The following NELL1 variants were observed in gnomAD, a reference collection of about 807,000 sequenced individuals.
NELL1 encodes protein kinase C-binding protein NELL1.
In NELL1, 76 loss-of-function variants were observed where a neutral mutation model predicts 107.4. The observed-to-expected ratio is 0.71, with a 90% CI of 0.59 to 0.86. The LOEUF is 0.86. Among genes scored for constraint, NELL1 ranks in the 40% least tolerant of loss-of-function variants. The pLI, the probability that NELL1 is intolerant of heterozygous loss-of-function variation, is 0.00. For missense variants in NELL1, 1,024 were observed against 1,005.5 expected (o/e 1.02, Z -0.25); for synonymous variants, 353 against 341.2 (o/e 1.03, Z -0.38).
At chr11:21,369,038 G>T (rs138280879) in intron 14 of NELL1, among the ~76,000 whole-genome samples, 1 of 151,840 alleles carries the variant, frequency 6.6e-6, no homozygotes, top group Non-Finnish European at 1.5e-5. Flanking sequence ...TAAATCAAAC[G>T]CATATACCTA....
chr11:20,973,443 A>G (rs1188313227), intron 12 of NELL1, among the ~76,000 whole-genome samples: 1 of 152,156 alleles, frequency 6.6e-6, no homozygotes, highest in Non-Finnish European at 1.5e-5. Flanking sequence ...TTTTTAGGTT[A>G]AGAGCTATTC....
At position 20,755,559 on chromosome 11, in the gene NELL1, T is replaced by TATTTTTTTTTTTTTTTTTA. The variant is rs1554914196; in HGVS notation, c.185-28121_185-28120insATTTTTTTTTTTTTTTTTA. Among the ~76,000 whole-genome samples the TATTTTTTTTTTTTTTTTTA allele has an allele frequency of 8.6e-3, 152 of 17,670 alleles. 1 individual carries two copies. Among genetic ancestry groups the TATTTTTTTTTTTTTTTTTA allele is most frequent in the African/African-American group, 0.015 (147 of 9,522 alleles). 11.6% of individuals were successfully genotyped at this position (17,670 alleles called of 152,430 possible). On this transcript the variant is annotated intron_variant, in intron 2 of 19. Coordinates refer to ENST00000357134, the MANE Select transcript of NELL1 (RefSeq NM_006157.5). Reference sequence around the variant, plus strand: ...GTTTTTGTTTTTTTTTGTTTTTGTTTTTGTTTTTTTTTTTTTGAGACAGAA... The same window carrying TATTTTTTTTTTTTTTTTTA: ...GTTTTTGTTTTTTTTTGTTTTTGTTTATTTTTTTTTTTTTTTTTATTGTTTTTTTTTTTTTGAGACAGAA...
chr11:21,482,079 A>G (rs947788516), intron 15 of NELL1, among the ~76,000 whole-genome samples: 3 of 152,214 alleles, frequency 2.0e-5, no homozygotes, highest in Non-Finnish European at 4.4e-5. Flanking sequence ...GATAAATTTA[A>G]GCAAAAAGGA....
At chr11:21,290,489 TCTG>T (rs1416532419) in intron 14 of NELL1, among the ~76,000 whole-genome samples, 2 of 152,214 alleles carry the variant, frequency 1.3e-5, no homozygotes, top group African/African-American at 4.8e-5. Context: ...GTTCTCAACC[TCTG>T]CTAAGGGACA....
At chr11:21,103,876 G>T (rs894005596) in intron 12 of NELL1, among the ~76,000 whole-genome samples, 3 of 152,148 alleles carry the variant, frequency 2.0e-5, no homozygotes, top group African/African-American at 7.2e-5. Context: ...TTCTCTTGTA[G>T]AAATTTTATT....
At chr11:21,380,511 C>T (rs191342180) in intron 15 of NELL1, among the ~76,000 whole-genome samples, 2 of 152,124 alleles carry the variant, frequency 1.3e-5, no homozygotes, top group Non-Finnish European at 2.9e-5. Context: ...TTGCCCTGTT[C>T]AGTAACCCCT....
At chr11:21,245,837 G>A (rs961266458) in intron 14 of NELL1, among the ~76,000 whole-genome samples, 1 of 152,052 alleles carries the variant, frequency 6.6e-6, no homozygotes, top group Non-Finnish European at 1.5e-5. Context: ...TTACCTTTAG[G>A]TATTTATGTT....
At chr11:21,235,654 C>T (rs1228188348) in intron 14 of NELL1, among the ~76,000 whole-genome samples, 3 of 152,070 alleles carry the variant, frequency 2.0e-5, no homozygotes, top group Non-Finnish European at 4.4e-5. Flanking sequence ...GACCATAAAT[C>T]ATAAGCGTAA....
intron 3 of NELL1, among the ~76,000 whole-genome samples, chr11:20,788,570 G>A (rs1334979639): frequency 1.3e-5 from 2 of 151,670 alleles, no homozygotes; most frequent in Non-Finnish European, 2.9e-5. Context: ...TCATTGATTT[G>A]TAATAATCAT....
chr11:21,558,380 CTAAA>C (rs1217627394), intron 16 of NELL1, among the ~76,000 whole-genome samples: 2 of 150,834 alleles, frequency 1.3e-5, no homozygotes, highest in African/African-American at 2.4e-5. Context: ...TCTGGAATGG[CTAAA>C]TAATCAAGCT....
intron 15 of NELL1, among the ~76,000 whole-genome samples, chr11:21,416,830 C>A (rs951477979): frequency 6.6e-6 from 1 of 152,016 alleles, no homozygotes; most frequent in African/African-American, 2.4e-5. Flanking sequence ...ATTCTAGGTC[C>A]TTTGTTTTCC....
intron 4 of NELL1, among the ~76,000 whole-genome samples, chr11:20,859,647 C>T (rs754716701): frequency 1.4e-4 from 21 of 152,142 alleles, no homozygotes; most frequent in Admixed American, 2.0e-4. Context: ...TTTAAGGGGA[C>T]TTTGCAATTG....
intron 4 of NELL1, among the ~76,000 whole-genome samples, chr11:20,863,177 C>A (rs998752367): frequency 3.7e-5 from 5 of 134,964 alleles, no homozygotes; most frequent in Non-Finnish European, 7.6e-5. Flanking sequence ...AAGGGGTGGC[C>A]GGGCAGAGGC....
chr11:21,347,821 G>A (rs1850717752), intron 14 of NELL1, among the ~76,000 whole-genome samples: 1 of 152,112 alleles, frequency 6.6e-6, no homozygotes, highest in Non-Finnish European at 1.5e-5. Context: ...AGAGTCCTGG[G>A]AGCCAGTGGA....
chr11:21,253,714 T>C (rs1179270284), intron 14 of NELL1, among the ~76,000 whole-genome samples: 1 of 152,158 alleles, frequency 6.6e-6, no homozygotes, highest in Non-Finnish European at 1.5e-5. Context: ...GTGATCATTC[T>C]ATAATTCACT....
chr11:20,753,989 T>C (rs1400951107), intron 2 of NELL1, among the ~76,000 whole-genome samples: 1 of 152,206 alleles, frequency 6.6e-6, no homozygotes, highest in Non-Finnish European at 1.5e-5. Context: ...ATACACATCC[T>C]TAAGCCAAAT....
intron 13 of NELL1, among the ~76,000 whole-genome samples, chr11:21,120,279 C>T (rs1436912498): frequency 6.6e-6 from 1 of 152,086 alleles, no homozygotes; most frequent in African/African-American, 2.4e-5. Context: ...GGCTAGGTCT[C>T]TGGAATATGC....
At chr11:20,893,754 A>G (rs1024970350) in intron 5 of NELL1, among the ~76,000 whole-genome samples, 1 of 151,816 alleles carries the variant, frequency 6.6e-6, no homozygotes, top group Non-Finnish European at 1.5e-5. Context: ...AATGAAAAAT[A>G]AGAGTATTAT....
At chr11:21,363,799 G>T (rs931697666) in intron 14 of NELL1, among the ~76,000 whole-genome samples, 2 of 152,112 alleles carry the variant, frequency 1.3e-5, no homozygotes, top group African/African-American at 4.8e-5. Flanking sequence ...ATGATATACA[G>T]GAATTCAGAA....
Sources: gnomAD v4.1 joint callset for allele counts (sites outside exome capture counted in the v4.1 genomes callset) on GRCh38, gnomAD v4.1.1 for gene constraint, MANE v1.5 for transcripts, NCBI Gene and HGNC (gene_info 2026-07-23, HGNC 2026-07-21) for gene names.